Variants in ANO1 observed in about 807,000 individuals in gnomAD.
The protein encoded by ANO1 is anoctamin-1.
A neutral mutation model predicts 124.0 loss-of-function variants in ANO1; 59 were observed. That is an observed-to-expected ratio of 0.48 (90% CI 0.39 to 0.59). The LOEUF (loss-of-function observed/expected upper bound fraction) is 0.59, where lower values mean the gene tolerates loss of function less well. ANO1 is among the 20% of genes least tolerant of loss of function. ANO1 has a pLI of 0.00. For synonymous variants in ANO1, 529 were observed against 532.0 expected (o/e 0.99, Z 0.08); for missense variants, 1,059 against 1,328.0 (o/e 0.80, Z 3.15).
At chr11:70,059,947 G>C (rs1857535199) in intron 1 of ANO1, among the ~76,000 whole-genome samples, 1 of 136,064 alleles carries the variant, frequency 7.3e-6, no homozygotes, top group African/African-American at 2.7e-5. Context: ...TGGAGGCGTT[G>C]GCCTTTTTTT....
Position 70,124,521 on chromosome 11 carries a change from G to T in ANO1, c.962+107G>T. On this transcript the variant is annotated intron_variant, in intron 9 of 25. Transcript: ENST00000355303. ...CTGAATGTTCAGTACCCGGGAACGTGTTTGAACTCAAAGAGCTTGTGTAGG... is the reference window on the plus strand; with the variant it reads ...CTGAATGTTCAGTACCCGGGAACGTTTTTGAACTCAAAGAGCTTGTGTAGG... 4 of 1,208,160 alleles carry T rather than the reference G, an allele frequency of 3.3e-6. No individual in the cohort carries two copies. In the Admixed American group the frequency reaches 7.8e-5, roughly 24 times the overall value. The allele number at this position is 1,208,160 out of a possible 1,614,324, so 74.8% of individuals were successfully genotyped here.
At chr11:69,989,202 G>T (rs1056049581) in intron 1 of ANO1, among the ~76,000 whole-genome samples, 1 of 152,158 alleles carries the variant, frequency 6.6e-6, no homozygotes, top group Non-Finnish European at 1.5e-5. Context: ...AGGTCCTGTA[G>T]CTGGTAAGTG....
chr11:70,062,026 C>T (rs1319789402), intron 1 of ANO1, among the ~76,000 whole-genome samples: 2 of 141,654 alleles, frequency 1.4e-5, no homozygotes, highest in African/African-American at 5.2e-5. Context: ...ACCAATGGTA[C>T]TTTGGAAATA....
the ANO1 span, among the ~76,000 whole-genome samples, chr11:69,966,099 T>G: frequency 6.6e-6 from 1 of 152,058 alleles, no homozygotes; most frequent in Non-Finnish European, 1.5e-5. Context: ...TGACACTGCT[T>G]GGGAAACAAA....
At chr11:70,095,090 G>A (rs975987192) in intron 2 of ANO1, among the ~76,000 whole-genome samples, 9 of 151,630 alleles carry the variant, frequency 5.9e-5, no homozygotes, top group African/African-American at 1.7e-4. Context: ...CCTGTAGTCC[G>A]AGCTACTCAG....
chr11:70,132,966 G>A (rs2046820939), intron 11 of ANO1, among the ~76,000 whole-genome samples: 1 of 152,212 alleles, frequency 6.6e-6, no homozygotes, highest in African/African-American at 2.4e-5. Flanking sequence ...CTTTCTGGAA[G>A]AGGTGTGAGG....
chr11:69,987,932 G>A (rs144003701), intron 1 of ANO1, among the ~76,000 whole-genome samples: 1 of 152,318 alleles, frequency 6.6e-6, no homozygotes, highest in East Asian at 1.9e-4. Flanking sequence ...CGGAGAGCAG[G>A]CCTTTCCTGT....
the ANO1 span, among the ~76,000 whole-genome samples, chr11:69,976,534 AAAAAAAAAAAAAAAAAAAAAGAG>A: frequency 1.7e-5 from 1 of 59,866 alleles, no homozygotes; most frequent in Non-Finnish European, 3.7e-5. Flanking sequence ...AAAAAAAAAA[AAAAAAAAAAAAAAAAAAAAAGAG>A]AGAGAGAGAG....
chr11:70,097,263 C>T (rs537304939), intron 2 of ANO1, among the ~76,000 whole-genome samples: 1 of 152,330 alleles, frequency 6.6e-6, no homozygotes, highest in East Asian at 1.9e-4. Context: ...GATCCACCCA[C>T]GGCTGCATTC....
intron 1 of ANO1, among the ~76,000 whole-genome samples, chr11:70,055,681 T>C (rs562565362): frequency 5.5e-4 from 83 of 152,246 alleles, no homozygotes; most frequent in Non-Finnish European, 9.9e-4. Context: ...ATTACTGATA[T>C]ATGTCTGGGT....
At chr11:70,177,408 T>C (rs1164932500) in intron 22 of ANO1, among the ~76,000 whole-genome samples, 1 of 152,088 alleles carries the variant, frequency 6.6e-6, no homozygotes, top group Non-Finnish European at 1.5e-5. Flanking sequence ...TGGGTTTAGA[T>C]GCTAAGGCGG....
At chr11:70,170,846 T>C in intron 21 of ANO1, 41 bp from the exon 22 acceptor site, 1 of 1,600,588 alleles carries the variant, frequency 6.2e-7, no homozygotes, top group South Asian at 1.1e-5. Context: ...TTATGGGCTG[T>C]GGCTCACGGG....
At chr11:70,053,649 T>C (rs575201894) in intron 1 of ANO1, among the ~76,000 whole-genome samples, 1 of 152,332 alleles carries the variant, frequency 6.6e-6, no homozygotes, top group African/African-American at 2.4e-5. Flanking sequence ...ATAAGATATA[T>C]GTATATTTAT....
At chr11:69,979,802 G>A in the ANO1 span, among the ~76,000 whole-genome samples, 1 of 152,168 alleles carries the variant, frequency 6.6e-6, no homozygotes, top group Non-Finnish European at 1.5e-5. Context: ...ATTGCAACAC[G>A]TGGTGAGAAC....
Position 70,188,341 on chromosome 11 carries a change from G to A in ANO1, c.*337G>A. The A allele has an allele frequency of 3.2e-6, 1 of 311,720 alleles. No individual in the cohort carries two copies. Among genetic ancestry groups the A allele is most frequent in the South Asian group, 5.9e-5 (1 of 16,878 alleles). 19.3% of individuals were successfully genotyped at this position (311,720 alleles called of 1,614,324 possible). A position where few individuals can be genotyped will look rare whatever the true frequency, so the allele number is the denominator to read the frequency against. On this transcript the variant is annotated 3_prime_UTR_variant, in exon 26 of 26. Transcript: ENST00000355303. ...TCTCCCTAGAGGTGAAAAGTGAGCA[G>A]AGGCCCGTAGAAACCCTCCTCTGAA...
At chr11:70,112,804 C>T (rs2045839118) in intron 7 of ANO1, among the ~76,000 whole-genome samples, 1 of 152,148 alleles carries the variant, frequency 6.6e-6, no homozygotes, top group Admixed American at 6.5e-5. Flanking sequence ...AGTGATCCAC[C>T]CACCTCAGCC....
intron 1 of ANO1, among the ~76,000 whole-genome samples, chr11:70,020,030 T>A (rs1219267959): frequency 6.6e-6 from 1 of 152,114 alleles, no homozygotes; most frequent in African/African-American, 2.4e-5. Flanking sequence ...CCCTCCAAGG[T>A]TGGGGAGAGG....
chr11:70,161,855 C>A, intron 18 of ANO1, 122 bp downstream of exon 18: 1 of 908,218 alleles, frequency 1.1e-6, no homozygotes, highest in Non-Finnish European at 1.7e-6. Flanking sequence ...GCACCCGCAG[C>A]CAAAGAGGGT....
chr11:69,991,965 ACTT>A, intron 1 of ANO1, among the ~76,000 whole-genome samples: 1 of 152,284 alleles, frequency 6.6e-6, no homozygotes, highest in Admixed American at 6.5e-5. Flanking sequence ...CTCAGCTCCC[ACTT>A]CTCTTAGAGC....
Sources: allele counts gnomAD v4.1 joint callset (sites outside exome capture counted in the v4.1 genomes callset), GRCh38; gene constraint gnomAD v4.1.1; transcripts MANE v1.5; gene names NCBI Gene and HGNC (gene_info 2026-07-23, HGNC 2026-07-21).